Variants in FAM81A observed in about 807,000 individuals in gnomAD.
FAM81A encodes family with sequence similarity 81 member A, also known as protein FAM81A.
A neutral mutation model predicts 46.7 loss-of-function variants in FAM81A; 19 were observed. That is an observed-to-expected ratio of 0.41 (90% CI 0.28 to 0.60). The LOEUF (loss-of-function observed/expected upper bound fraction) is 0.60. FAM81A is among the 20% of genes least tolerant of loss of function. FAM81A has a pLI of 0.34. For synonymous variants in FAM81A, 183 were observed against 152.9 expected (o/e 1.20, Z -1.45); for missense variants, 377 against 453.5 (o/e 0.83, Z 1.53).
chr15:59,486,098 G>C (rs2081913862), intron 3 of FAM81A, among the ~76,000 whole-genome samples: 1 of 152,140 alleles, frequency 6.6e-6, no homozygotes, highest in Non-Finnish European at 1.5e-5. Context: ...AGAATCGCTT[G>C]AACCCAGGAG....
intron 3 of FAM81A, among the ~76,000 whole-genome samples, chr15:59,466,364 T>C (rs2081613193): frequency 6.6e-6 from 1 of 152,170 alleles, no homozygotes; most frequent in Non-Finnish European, 1.5e-5. Flanking sequence ...CTTGCTAGCA[T>C]CTGTTGTTTC....
chr15:59,487,188 TTTA>T (rs2081927252), intron 3 of FAM81A, among the ~76,000 whole-genome samples: 2 of 146,596 alleles, frequency 1.4e-5, no homozygotes, highest in South Asian at 2.1e-4. Context: ...ATATATATAT[TTTA>T]TATATATATT....
At chr15:59,474,758 C>T (rs2081744132) in intron 3 of FAM81A, among the ~76,000 whole-genome samples, 1 of 152,182 alleles carries the variant, frequency 6.6e-6, no homozygotes, top group South Asian at 2.1e-4. Context: ...ACATCCTTTT[C>T]AGATAGGCTG....
At chr15:59,483,887 C>G (rs1222740814) in intron 3 of FAM81A, among the ~76,000 whole-genome samples, 5 of 152,170 alleles carry the variant, frequency 3.3e-5, no homozygotes, top group African/African-American at 1.2e-4. Flanking sequence ...GTCTCCTGCC[C>G]CATGGAGGGG....
chr15:59,490,259 C>G (rs2081967271), intron 3 of FAM81A, among the ~76,000 whole-genome samples: 1 of 151,896 alleles, frequency 6.6e-6, no homozygotes, highest in South Asian at 2.1e-4. Context: ...CAAAAATGGA[C>G]AAATGGGATC....
intron 7 of FAM81A, 59 bp downstream of exon 7, chr15:59,514,483 TTG>T: frequency 6.5e-7 from 1 of 1,546,946 alleles, no homozygotes; most frequent in South Asian, 1.2e-5. Context: ...CCTACACTGT[TTG>T]AATAATAATA....
intron 2 of FAM81A, among the ~76,000 whole-genome samples, chr15:59,425,752 A>T (rs2081192057): frequency 6.6e-6 from 1 of 152,172 alleles, no homozygotes; most frequent in Non-Finnish European, 1.5e-5. Flanking sequence ...CAGCCTCCTG[A>T]GTAAGTGGGA....
At position 59,460,835 on chromosome 15, in the gene FAM81A, G is replaced by A. The variant is rs559393610; in HGVS notation, c.294+629G>A. Among the ~76,000 whole-genome samples the A allele has an allele frequency of 3.9e-5, 6 of 152,208 alleles. No homozygotes were observed. The highest frequency in any genetic ancestry group is 3.9e-4 in the East Asian group (2 of 5,182). On this transcript the variant is annotated intron_variant, in intron 3 of 8. Coordinates refer to ENST00000288228, the MANE Select transcript of FAM81A (RefSeq NM_152450.3). This position sits in a 1 kb window ranked among gnomAD's most constrained non-coding sequence, Gnocchi z 4.4. The stretch of plus-strand genomic sequence containing the variant: ...TTAGGGCTTGGGTTTCCCTCACTAC[G>A]CAATGTTCATATCTTTCACATGTAA...
In FAM81A at chr15:59,460,292, T is replaced by G; in HGVS notation, c.294+86T>G. On this transcript the variant is annotated intron_variant, in intron 3 of 8. Coordinates refer to ENST00000288228, the MANE Select transcript of FAM81A (RefSeq NM_152450.3). The surrounding 1 kb of genome is among the most constrained non-coding windows in gnomAD (Gnocchi z 4.4). ...AGGTCACCCACATCTAACTCCTACCTCCCAGGCAGTACTGCATTTAGAACA... is the reference window on the plus strand; with the variant it reads ...AGGTCACCCACATCTAACTCCTACCGCCCAGGCAGTACTGCATTTAGAACA... The G allele has an allele frequency of 1.3e-6, 2 of 1,536,616 alleles. No homozygotes were observed. The highest frequency in any genetic ancestry group is 9.0e-7 in the Non-Finnish European group (1 of 1,112,074).
chr15:59,517,516 G>A (rs1218188095), intron 8 of FAM81A, among the ~76,000 whole-genome samples: 1 of 152,198 alleles, frequency 6.6e-6, no homozygotes, highest in Non-Finnish European at 1.5e-5. Flanking sequence ...GTAGAGGCTG[G>A]TTGATTGTGG....
chr15:59,478,068 G>A (rs914023744), intron 3 of FAM81A, among the ~76,000 whole-genome samples: 3 of 152,204 alleles, frequency 2.0e-5, no homozygotes, highest in South Asian at 2.1e-4. Flanking sequence ...TGAGCAGTCC[G>A]TGGTCCTTTT....
At chr15:59,429,780 G>C (rs533948354) in intron 2 of FAM81A, among the ~76,000 whole-genome samples, 2 of 152,144 alleles carry the variant, frequency 1.3e-5, no homozygotes, top group Non-Finnish European at 2.9e-5. Flanking sequence ...GTATCAATTA[G>C]ACCTTTATTT....
At chr15:59,453,452 A>G (rs1198738545) in intron 1 of FAM81A, among the ~76,000 whole-genome samples, 1 of 152,196 alleles carries the variant, frequency 6.6e-6, no homozygotes, top group Admixed American at 6.5e-5. Context: ...TCGTTACGTT[A>G]CGTGTGAGCA....
At chr15:59,412,184 C>G (rs888724065) in intron 2 of FAM81A, among the ~76,000 whole-genome samples, 1 of 152,030 alleles carries the variant, frequency 6.6e-6, no homozygotes, top group Non-Finnish European at 1.5e-5. Flanking sequence ...GCTATAGAGA[C>G]AGTCCAGCAT....
At chr15:59,468,687 G>A (rs2081646747) in intron 3 of FAM81A, among the ~76,000 whole-genome samples, 2 of 146,196 alleles carry the variant, frequency 1.4e-5, no homozygotes, top group South Asian at 2.1e-4. Flanking sequence ...TGATTTTTTT[G>A]AAGGGTTTTT....
rs78573992 is a variant in FAM81A at position 59,413,290 on chromosome 15, G to A, written c.-78+10932G>A. 4.5e-3 allele frequency among the ~76,000 whole-genome samples: 690 copies of A among 152,190 alleles called. 3 individuals are homozygous for A. Among genetic ancestry groups the A allele is most frequent in the African/African-American group, 0.016 (661 of 41,516 alleles). On this transcript the variant is annotated intron_variant, in intron 2 of 4. Transcript: ENST00000558348. ...CACCTGGCCCAGGGCAGTTAGGGTG[G>A]GTGTGTGGTAGCCCAGAGTGTGAGG...
At chr15:59,437,287 C>T (rs1358613948), upstream of FAM81A, among the ~76,000 whole-genome samples, 3 of 151,470 alleles carry the variant, frequency 2.0e-5, no homozygotes, top group Non-Finnish European at 2.9e-5. Context: ...GGGAGACAGA[C>T]AGGAGCCCCT....
At chr15:59,411,451 A>T (rs1197303641) in intron 2 of FAM81A, among the ~76,000 whole-genome samples, 2 of 152,344 alleles carry the variant, frequency 1.3e-5, no homozygotes, top group African/African-American at 4.8e-5. Flanking sequence ...GAGGGGAAGT[A>T]AATTACTCAG....
intron 2 of FAM81A, among the ~76,000 whole-genome samples, chr15:59,419,675 A>G (rs1179618387): frequency 1.3e-5 from 2 of 152,136 alleles, no homozygotes; most frequent in Non-Finnish European, 2.9e-5. Context: ...GGAGTTCGAG[A>G]CCAGCCTGGC....
Sources: gnomAD v4.1 joint callset for allele counts (sites outside exome capture counted in the v4.1 genomes callset) on GRCh38, gnomAD v4.1.1 for gene constraint, Gnocchi (gnomAD v3.1) non-coding constraint, MANE v1.5 for transcripts, NCBI Gene and HGNC (gene_info 2026-07-23, HGNC 2026-07-21) for gene names.